The following ZFHX3 variants were observed in gnomAD, a reference collection of about 807,000 sequenced individuals.
ZFHX3 encodes zinc finger homeobox protein 3.
Under a neutral mutation model 279.1 loss-of-function variants are expected in ZFHX3, and 42 were observed. The observed-to-expected ratio is 0.15, with a 90% CI of 0.12 to 0.19. The LOEUF is 0.19. Ranked by LOEUF, ZFHX3 falls within the 10% of genes least tolerant of loss-of-function variation. The probability of loss-of-function intolerance (pLI) is 1.00; values close to 1 mark genes in which losing one functional copy is unlikely to be tolerated. For synonymous variants in ZFHX3, 2,293 were observed against 1,957.8 expected (o/e 1.17, Z -4.52); for missense variants, 4,981 against 4,754.0 (o/e 1.05, Z -1.40).
intron 3 of ZFHX3, among the ~76,000 whole-genome samples, chr16:72,941,152 C>T (rs1439523241): frequency 2.0e-5 from 3 of 152,052 alleles, no homozygotes; most frequent in African/African-American, 7.2e-5. Flanking sequence ...AAAGGCATTT[C>T]AATAAAAGGG....
intron 3 of ZFHX3, among the ~76,000 whole-genome samples, chr16:73,419,475 T>C (rs1329891530): frequency 6.6e-6 from 1 of 152,182 alleles, no homozygotes; most frequent in Non-Finnish European, 1.5e-5. Context: ...TCAGTGACTG[T>C]CTCAGCTCAG....
intron 4 of ZFHX3, among the ~76,000 whole-genome samples, chr16:72,850,057 G>A (rs941112332): frequency 5.9e-5 from 9 of 152,188 alleles, no homozygotes; most frequent in African/African-American, 2.2e-4. Flanking sequence ...GAAATCAGAT[G>A]TTTCTAGGTT....
chr16:73,464,420 C>T (rs557809294), intron 2 of ZFHX3, among the ~76,000 whole-genome samples: 28 of 151,110 alleles, frequency 1.9e-4, no homozygotes, highest in Non-Finnish European at 3.2e-4. Context: ...CTTCTCCAAC[C>T]ATTCTCTCTT....
intron 1 of ZFHX3, among the ~76,000 whole-genome samples, chr16:73,858,558 CCACA>C (rs1465898666): frequency 6.6e-6 from 1 of 152,192 alleles, no homozygotes; most frequent in Non-Finnish European, 1.5e-5. Context: ...TGAAATATTG[CCACA>C]CATTGTCTCA....
intron 5 of ZFHX3, among the ~76,000 whole-genome samples, chr16:73,151,214 T>A (rs958826273): frequency 2.0e-5 from 3 of 152,172 alleles, no homozygotes. Flanking sequence ...TTGTATATAA[T>A]TTCTATAATG....
At chr16:72,993,296 G>A (rs1263683081) in intron 1 of ZFHX3, among the ~76,000 whole-genome samples, 3 of 152,196 alleles carry the variant, frequency 2.0e-5, no homozygotes, top group African/African-American at 7.2e-5. Flanking sequence ...CGCATCACAA[G>A]ATTCTAGATG....
At chr16:73,464,494 C>G (rs1018360906) in intron 2 of ZFHX3, among the ~76,000 whole-genome samples, 1 of 150,894 alleles carries the variant, frequency 6.6e-6, no homozygotes, top group African/African-American at 2.4e-5. Flanking sequence ...TACATGTTCA[C>G]CCCTGTGAAT....
intron 5 of ZFHX3, among the ~76,000 whole-genome samples, chr16:73,167,111 G>C (rs1967393259): frequency 6.6e-6 from 1 of 152,222 alleles, no homozygotes; most frequent in Non-Finnish European, 1.5e-5. Flanking sequence ...TCAGCTGTTG[G>C]ATGGTTAATG....
At chr16:73,638,711 AG>A (rs2052548974) in intron 2 of ZFHX3, among the ~76,000 whole-genome samples, 1 of 152,242 alleles carries the variant, frequency 6.6e-6, no homozygotes, top group Non-Finnish European at 1.5e-5. Context: ...CTTTGAGAGC[AG>A]GGTCAAGCAT....
chr16:73,776,458 C>A (rs1959246419), intron 1 of ZFHX3, among the ~76,000 whole-genome samples: 1 of 152,118 alleles, frequency 6.6e-6, no homozygotes, highest in Non-Finnish European at 1.5e-5. Context: ...TAATTTAGAT[C>A]TTTAAAAAAA....
At chr16:73,103,706 G>A (rs948779359) in intron 7 of ZFHX3, among the ~76,000 whole-genome samples, 1 of 152,122 alleles carries the variant, frequency 6.6e-6, no homozygotes, top group African/African-American at 2.4e-5. Flanking sequence ...ACTAAAATGC[G>A]GAGATTAAGC....
intron 1 of ZFHX3, among the ~76,000 whole-genome samples, chr16:73,017,248 A>T (rs78965775): frequency 6.6e-6 from 1 of 150,584 alleles, no homozygotes; most frequent in South Asian, 2.1e-4. Context: ...AAAAAAAAAA[A>T]GGCAAAAAGA....
chr16:73,629,658 G>C (rs967652109), intron 2 of ZFHX3, among the ~76,000 whole-genome samples: 1 of 151,754 alleles, frequency 6.6e-6, no homozygotes, highest in African/African-American at 2.4e-5. Context: ...AAAAAAGAAA[G>C]AAAGAAAGGA....
intron 7 of ZFHX3, among the ~76,000 whole-genome samples, chr16:72,811,151 C>T (rs2036432224): frequency 2.0e-5 from 3 of 152,186 alleles, no homozygotes; most frequent in Admixed American, 2.0e-4. Context: ...TCCCAAAGAA[C>T]TGGGATTAGA....
chr16:73,795,908 T>G (rs1037886794), intron 1 of ZFHX3, among the ~76,000 whole-genome samples: 1 of 152,180 alleles, frequency 6.6e-6, no homozygotes, highest in Non-Finnish European at 1.5e-5. Flanking sequence ...TTGGACCCTA[T>G]AAAATTGCTG....
intron 1 of ZFHX3, among the ~76,000 whole-genome samples, chr16:73,038,793 T>C (rs202000593): frequency 2.4e-5 from 2 of 84,934 alleles, no homozygotes; most frequent in South Asian, 4.8e-4. Context: ...ATTACTATTA[T>C]TATTATTATT....
chr16:73,240,549 A>G (rs1026050327), intron 5 of ZFHX3, among the ~76,000 whole-genome samples: 1 of 152,112 alleles, frequency 6.6e-6, no homozygotes, highest in Admixed American at 6.5e-5. Context: ...CAAAATCACC[A>G]ACTAAGAGCA....
At chr16:73,638,119 C>A (rs1404236150) in intron 2 of ZFHX3, among the ~76,000 whole-genome samples, 1 of 152,066 alleles carries the variant, frequency 6.6e-6, no homozygotes, top group Admixed American at 6.6e-5. Flanking sequence ...TAGCCATATC[C>A]TTCAAGAGTC....
intron 1 of ZFHX3, among the ~76,000 whole-genome samples, chr16:73,702,784 G>T (rs1302018218): frequency 6.6e-6 from 1 of 152,132 alleles, no homozygotes; most frequent in African/African-American, 2.4e-5. Flanking sequence ...AAGACAAAGA[G>T]TTTCTTTTAA....
Sources: allele counts gnomAD v4.1 joint callset (sites outside exome capture counted in the v4.1 genomes callset), GRCh38; gene constraint gnomAD v4.1.1; transcripts MANE v1.5; gene names NCBI Gene and HGNC (gene_info 2026-07-23, HGNC 2026-07-21).